The following MAPK9 variants were observed in gnomAD, a reference collection of about 807,000 sequenced individuals.
The protein encoded by MAPK9 is mitogen-activated protein kinase 9.
A neutral mutation model predicts 57.1 loss-of-function variants in MAPK9; 30 were observed. The ratio of observed to expected loss-of-function variants is 0.53; its 90% CI spans 0.39 to 0.71. The LOEUF (loss-of-function observed/expected upper bound fraction) is 0.71. Ranked by LOEUF, MAPK9 falls within the 30% of genes least tolerant of loss-of-function variation. The probability of loss-of-function intolerance (pLI) is 0.00; values close to 1 mark genes in which losing one functional copy is unlikely to be tolerated. For synonymous variants in MAPK9, 155 were observed against 177.0 expected (o/e 0.88, Z 0.99); for missense variants, 362 against 521.0 (o/e 0.69, Z 2.97).
chr5:180,279,057 A>G (rs1322490796), intron 2 of MAPK9, among the ~76,000 whole-genome samples: 2 of 150,920 alleles, frequency 1.3e-5, no homozygotes, highest in Non-Finnish European at 2.9e-5. Context: ...TCCCAGGTTC[A>G]AGCGATTCTC....
At chr5:180,286,510 C>A (rs753471964) in intron 1 of MAPK9, among the ~76,000 whole-genome samples, 4 of 151,892 alleles carry the variant, frequency 2.6e-5, no homozygotes, top group Middle Eastern at 3.4e-3. Flanking sequence ...TAATCAAGAA[C>A]CTTGCAGCTC....
rs542185948 is a variant in MAPK9, at chr5:180,252,374, G to A, written c.451-3236C>T. On this transcript the variant is annotated intron_variant, in intron 5 of 11. Transcript: ENST00000452135. The stretch of plus-strand genomic sequence containing the variant: ...GCGGCCAGGACTGCCAGTGCCGTAA[G>A]CCTGTGGCCGTCTGGGGTCATTCTC... Among the ~76,000 whole-genome samples, 9 of 152,246 alleles carry A rather than the reference G, an allele frequency of 5.9e-5. No individual in the cohort carries two copies. The East Asian group carries it at 1.7e-3, about 29-fold the overall frequency.
intron 2 of MAPK9, among the ~76,000 whole-genome samples, chr5:180,279,418 T>G (rs948621461): frequency 2.0e-5 from 3 of 152,204 alleles, no homozygotes; most frequent in Non-Finnish European, 4.4e-5. Flanking sequence ...CAATTTCCTC[T>G]TAGCTCCCAG....
At chr5:180,267,290 G>A (rs914296932) in intron 3 of MAPK9, among the ~76,000 whole-genome samples, 10 of 152,068 alleles carry the variant, frequency 6.6e-5, no homozygotes, top group Middle Eastern at 3.4e-3. Context: ...GTCCGGGTGC[G>A]GTGGCTCACG....
chr5:180,261,662 AAATT>A lies in MAPK9; in HGVS notation c.450+18_450+21del. 1 of 1,559,490 alleles carries A rather than the reference AAATT, an allele frequency of 6.4e-7. No individual in the cohort carries two copies. The highest frequency in any genetic ancestry group is 1.2e-5 in the South Asian group (1 of 83,710). The stretch of plus-strand genomic sequence containing the variant: ...AACCAAATGATTGTTTTTAAAAATA[AAATT>A]AATACATCACCACTTACTCTATGAA... On this transcript the variant is annotated intron_variant, in intron 5 of 11. Coordinates refer to ENST00000452135, the MANE Select transcript of MAPK9 (RefSeq NM_002752.5).
At chr5:180,241,689 G>GTT (rs1757673025) in intron 8 of MAPK9, among the ~76,000 whole-genome samples, 2 of 152,244 alleles carry the variant, frequency 1.3e-5, no homozygotes, top group Non-Finnish European at 2.9e-5. Flanking sequence ...GGATCTGCAA[G>GTT]GGGAAGAGAA....
intron 1 of MAPK9, among the ~76,000 whole-genome samples, chr5:180,284,622 C>A (rs774990228): frequency 2.0e-5 from 3 of 152,230 alleles, no homozygotes; most frequent in Non-Finnish European, 4.4e-5. Flanking sequence ...ATATCCTAAA[C>A]TGGCAAACAC....
chr5:180,255,123 G>C (rs1759135631), intron 5 of MAPK9, among the ~76,000 whole-genome samples: 1 of 151,414 alleles, frequency 6.6e-6, no homozygotes, highest in South Asian at 2.1e-4. Flanking sequence ...GAGCGCAACT[G>C]ATCTGTAACT....
In MAPK9 at chr5:180,234,991, A is replaced by G. The variant is rs2127570597; in HGVS notation, c.*1393T>C. On this transcript the variant is annotated 3_prime_UTR_variant, in exon 12 of 12. Coordinates refer to ENST00000452135, the MANE Select transcript of MAPK9 (RefSeq NM_002752.5). Reference sequence around the variant, plus strand: ...TCAGCAACAGAATAAGCTCAAGGGAAGAGACATGGGCACAGGCAGGCAAAA... The same window carrying G: ...TCAGCAACAGAATAAGCTCAAGGGAGGAGACATGGGCACAGGCAGGCAAAA... 6.6e-6 allele frequency: 1 copy of G among 152,374 alleles called. No individual in the cohort carries two copies. Among genetic ancestry groups the G allele is most frequent in the Admixed American group, 6.5e-5 (1 of 15,304 alleles). The allele number at this position is 152,374 out of a possible 1,614,324, so 9.4% of individuals were successfully genotyped here. A position where few individuals can be genotyped will look rare whatever the true frequency, so the allele number is the denominator to read the frequency against.
chr5:180,238,248 C>T (rs772270775), intron 11 of MAPK9, 84 bp downstream of exon 11: 15 of 1,040,922 alleles, frequency 1.4e-5, no homozygotes, highest in African/African-American at 3.2e-5. Flanking sequence ...CCAGCCTGGG[C>T]GACAGAACGA....
chr5:180,271,376 A>G (rs1415039793), intron 2 of MAPK9, among the ~76,000 whole-genome samples: 1 of 152,138 alleles, frequency 6.6e-6, no homozygotes, highest in Non-Finnish European at 1.5e-5. Context: ...GAAATGATTC[A>G]CCTACTCCCC....
At chr5:180,278,739 C>T (rs1762049052) in intron 2 of MAPK9, among the ~76,000 whole-genome samples, 1 of 151,940 alleles carries the variant, frequency 6.6e-6, no homozygotes, top group South Asian at 2.1e-4. Flanking sequence ...CTGTCTATAG[C>T]CACAAACAAC....
chr5:180,268,968 T>C (rs1384166373), intron 3 of MAPK9, among the ~76,000 whole-genome samples: 3 of 149,948 alleles, frequency 2.0e-5, no homozygotes, highest in Non-Finnish European at 4.4e-5. Context: ...TGAAACCCCA[T>C]CTCTACTAAA....
chr5:180,273,831 C>T (rs970308433), intron 2 of MAPK9, among the ~76,000 whole-genome samples: 10 of 152,318 alleles, frequency 6.6e-5, no homozygotes, highest in African/African-American at 1.9e-4. Context: ...TCCACTGTTT[C>T]TCCTTGCACC....
At chr5:180,258,622 A>C (rs1160591680) in intron 5 of MAPK9, among the ~76,000 whole-genome samples, 1 of 152,144 alleles carries the variant, frequency 6.6e-6, no homozygotes, top group East Asian at 1.9e-4. Context: ...ACATGAAAGA[A>C]CTCATACTGG....
intron 1 of MAPK9, among the ~76,000 whole-genome samples, chr5:180,291,077 G>A (rs1763185426): frequency 6.6e-6 from 1 of 152,212 alleles, no homozygotes; most frequent in African/African-American, 2.4e-5. Context: ...AGCAGAAAGA[G>A]CTACTTGTGC....
intron 2 of MAPK9, among the ~76,000 whole-genome samples, chr5:180,278,483 T>G (rs964311915): frequency 6.6e-6 from 1 of 152,118 alleles, no homozygotes; most frequent in African/African-American, 2.4e-5. Context: ...GGGTGGATCA[T>G]GAGGTCAAGA....
chr5:180,265,174 C>T (rs1760398419), intron 3 of MAPK9, among the ~76,000 whole-genome samples: 2 of 152,144 alleles, frequency 1.3e-5, no homozygotes, highest in African/African-American at 2.4e-5. Context: ...AAATACTACG[C>T]ACAAATTTCT....
intron 5 of MAPK9, 93 bp from the exon 6 acceptor site, chr5:180,249,231 T>C: frequency 8.5e-7 from 1 of 1,180,506 alleles, no homozygotes; most frequent in Non-Finnish European, 1.2e-6. Flanking sequence ...AGTGTGAGAG[T>C]GTAGGGAGTG....
Sources: gnomAD v4.1 joint callset for allele counts (sites outside exome capture counted in the v4.1 genomes callset) on GRCh38, gnomAD v4.1.1 for gene constraint, MANE v1.5 for transcripts, NCBI Gene and HGNC (gene_info 2026-07-23, HGNC 2026-07-21) for gene names.